Variants in PRR5 observed in about 807,000 individuals in gnomAD.
The protein encoded by PRR5 is proline rich 5.
PRR5 carries 25 observed loss-of-function variants against 30.6 expected under a neutral mutation model. The ratio of observed to expected loss-of-function variants is 0.82; its 90% CI spans 0.60 to 1.14. PRR5 has a LOEUF of 1.14. Among genes scored for constraint, PRR5 ranks in the 50% most tolerant of loss-of-function variants. PRR5 has a pLI of 0.00. For missense variants in PRR5, 600 were observed against 547.1 expected, an observed-to-expected ratio of 1.10 and a Z score of -0.96; for synonymous variants, 286 against 247.1, an observed-to-expected ratio of 1.16 and a Z score of -1.48.
In PRR5 at chr22:44,702,594, C is replaced by A; in HGVS notation, c.120C>A (p.Asn40Lys). 7.3e-7 allele frequency: 1 copy of A among 1,375,464 alleles called. No homozygotes were observed. Among genetic ancestry groups the A allele is most frequent in the South Asian group, 1.7e-5 (1 of 59,828 alleles). 85.2% of individuals were successfully genotyped at this position (1,375,464 alleles called of 1,614,324 possible). Residue 40 changes from asparagine (N) to lysine (K), a missense_variant, in exon 1 of 8, where the codon AAC (asparagine) becomes AAA (lysine). Physicochemically the swap from Asn to Lys is moderately conservative, Grantham distance 94. Transcript: ENST00000336985. ...CGCAGCAGCGCCGGGCCTGCGCCAACGCCACCTGGAACAGGTAAGGCCGCG... is the reference window on the plus strand; with the variant it reads ...CGCAGCAGCGCCGGGCCTGCGCCAAAGCCACCTGGAACAGGTAAGGCCGCG... The part of the protein sequence containing the change: ...RGTQQRRACA[N>K]ATWNSIHNGV...
intron 1 of PRR5, among the ~76,000 whole-genome samples, chr22:44,683,266 G>C (rs1314888457): frequency 6.6e-6 from 1 of 152,224 alleles, no homozygotes; most frequent in East Asian, 1.9e-4. Context: ...GCCCCTTCCT[G>C]TCATCTGCCC....
rs144683090 is a variant in PRR5, at chr22:44,683,932, G to T, written c.-11+6692G>T. ...TGAAGAGGGGCCAGCCCAATCCTTT[G>T]TCAGAAGCCCTAGCCCAGGAACAGG... On this transcript the variant is annotated intron_variant, in intron 1 of 8. Coordinates refer to the PRR5 transcript ENST00000006251. 9.9e-3 allele frequency among the ~76,000 whole-genome samples: 1,504 copies of T among 152,360 alleles called. 23 individuals carry two copies. Among genetic ancestry groups the T allele is most frequent in the African/African-American group, 0.034 (1,419 of 41,572 alleles).
chr22:44,679,924 T>G (rs1601948771), intron 1 of PRR5: 2 of 1,540,418 alleles, frequency 1.3e-6, no homozygotes, highest in Non-Finnish European at 1.8e-6. Context: ...GGGAGGCAGG[T>G]GTATGGGTGA....
At chr22:44,714,941 A>G (rs962350916) in intron 2 of PRR5, among the ~76,000 whole-genome samples, 1 of 152,210 alleles carries the variant, frequency 6.6e-6, no homozygotes, top group Admixed American at 6.5e-5. Context: ...AAAGTTCTTC[A>G]AGGGGAAGCA....
intron 1 of PRR5, among the ~76,000 whole-genome samples, chr22:44,692,622 C>T (rs1925382584): frequency 6.6e-6 from 1 of 152,246 alleles, no homozygotes; most frequent in Non-Finnish European, 1.5e-5. Flanking sequence ...CAGGGCTTCA[C>T]ATTGCAGTGT....
chr22:44,697,076 G>T (rs1361061162), intron 1 of PRR5, among the ~76,000 whole-genome samples: 1 of 152,178 alleles, frequency 6.6e-6, no homozygotes, highest in Admixed American at 6.5e-5. Flanking sequence ...AGGAAGGGAC[G>T]ATGGGCTCAC....
intron 1 of PRR5, among the ~76,000 whole-genome samples, chr22:44,692,416 T>G (rs1925344043): frequency 8.4e-6 from 1 of 119,686 alleles, no homozygotes; most frequent in African/African-American, 3.3e-5. Context: ...CCAGGGATCC[T>G]CCTCCTCCCG....
At chr22:44,733,048 A>G (rs1021031041) in intron 6 of PRR5, among the ~76,000 whole-genome samples, 1 of 152,282 alleles carries the variant, frequency 6.6e-6, no homozygotes, top group African/African-American at 2.4e-5. Context: ...ACATACTTGC[A>G]TGCACGCACA....
intron 1 of PRR5, among the ~76,000 whole-genome samples, chr22:44,705,141 A>G (rs1210324965): frequency 5.3e-5 from 8 of 152,170 alleles, no homozygotes; most frequent in Non-Finnish European, 8.8e-5. Flanking sequence ...AACAGCAGAA[A>G]TTTGTTCCCT....
At chr22:44,733,386 G>C (rs115263039) in intron 6 of PRR5, among the ~76,000 whole-genome samples, 7,257 of 152,322 alleles carry the variant, frequency 0.048, 244 homozygotes, top group Admixed American at 0.083. Flanking sequence ...CTTCACCCCG[G>C]CTCTCGCAGG....
chr22:44,699,478 G>A (rs182069581), upstream of PRR5, among the ~76,000 whole-genome samples: 7 of 152,358 alleles, frequency 4.6e-5, no homozygotes, highest in East Asian at 1.9e-4. Context: ...GGAGATTCTC[G>A]CTCACATCTG....
intron 4 of PRR5, chr22:44,729,936 TG>T: frequency 1.0e-6 from 1 of 985,426 alleles, no homozygotes; most frequent in Non-Finnish European, 1.2e-6. Context: ...ACTTTGTGTG[TG>T]GGCACAGTTC....
At chr22:44,675,570 G>T (rs527599193), upstream of PRR5, among the ~76,000 whole-genome samples, 5 of 152,266 alleles carry the variant, frequency 3.3e-5, no homozygotes, top group East Asian at 1.9e-4. Context: ...GCACAATGAC[G>T]TGGAAAGCTG....
chr22:44,735,198 G>T (rs1389555698), intron 7 of PRR5, 36 bp downstream of exon 7: 8 of 1,591,122 alleles, frequency 5.0e-6, no homozygotes, highest in Admixed American at 1.7e-5. Flanking sequence ...TGGGGCAGGG[G>T]TGACCACGGG....
intron 2 of PRR5, among the ~76,000 whole-genome samples, chr22:44,718,192 C>CTCTTTT (rs1555901074): frequency 3.2e-5 from 3 of 94,578 alleles, no homozygotes; most frequent in African/African-American, 8.5e-5. Context: ...TTTCATCTCT[C>CTCTTTT]TTTTTTTTTT....
At chr22:44,704,536 C>G (rs546338210) in intron 1 of PRR5, among the ~76,000 whole-genome samples, 2 of 152,058 alleles carry the variant, frequency 1.3e-5, no homozygotes, top group Non-Finnish European at 1.5e-5. Context: ...AGCCCCTCCC[C>G]GCGGCACCTG....
chr22:44,699,370 T>C (rs1926051606), upstream of PRR5, among the ~76,000 whole-genome samples: 1 of 152,204 alleles, frequency 6.6e-6, no homozygotes, highest in African/African-American at 2.4e-5. Context: ...ACAAAGCCAG[T>C]CCTCTCCTGA....
upstream of PRR5, chr22:44,702,165 C>CCG (rs1234715515): frequency 3.2e-4 from 242 of 763,840 alleles, 2 homozygotes; most frequent in Non-Finnish European, 2.9e-4. Flanking sequence ...CCCCGGGGCG[C>CCG]CGAGACCCGC....
Position 44,670,835 on chromosome 22 carries a change from G to A in PRR5, c.-11+2030G>A, listed in dbSNP as rs56872063. 9.5e-3 allele frequency among the ~76,000 whole-genome samples: 1,451 copies of A among 152,224 alleles called. 28 individuals carry two copies. The highest frequency in any genetic ancestry group is 0.033 in the African/African-American group (1,371 of 41,516). ...CAGGGGCGCAGACACCAGGAGGGGT[G>A]GGTGACGAGAAGGAAAGAGGAACAC... is the stretch of plus-strand genomic sequence containing the variant. On this transcript the variant is annotated intron_variant, in intron 1 of 8. Coordinates refer to the PRR5 transcript ENST00000432186.
Sources: allele counts gnomAD v4.1 joint callset (sites outside exome capture counted in the v4.1 genomes callset), GRCh38; gene constraint gnomAD v4.1.1; transcripts MANE v1.5; gene names NCBI Gene and HGNC (gene_info 2026-07-23, HGNC 2026-07-21).